PTPRD: variants seen among roughly 807,000 people sequenced by gnomAD.
The protein encoded by PTPRD is protein tyrosine phosphatase receptor type D.
Under a neutral mutation model 214.5 loss-of-function variants are expected in PTPRD, and 34 were observed. The ratio of observed to expected loss-of-function variants is 0.16; its 90% CI spans 0.12 to 0.21. PTPRD has a LOEUF of 0.21. Among genes scored for constraint, PTPRD ranks in the 10% least tolerant of loss-of-function variants. The probability of loss-of-function intolerance (pLI) is 1.00; values close to 1 mark genes in which losing one functional copy is unlikely to be tolerated. For synonymous variants in PTPRD, 1,128 were observed against 845.7 expected (o/e 1.33, Z -5.79); for missense variants, 2,545 against 2,398.7 (o/e 1.06, Z -1.27).
At chr9:10,280,793 T>C (rs117175088) in intron 3 of PTPRD, among the ~76,000 whole-genome samples, 4,497 of 151,968 alleles carry the variant, frequency 0.03, 300 homozygotes, top group Admixed American at 0.16. Context: ...TTTTTTATTT[T>C]CTGTAGAGAT....
intron 9 of PTPRD, among the ~76,000 whole-genome samples, chr9:9,290,636 T>C (rs1234085060): frequency 6.6e-6 from 1 of 151,530 alleles, no homozygotes; most frequent in Non-Finnish European, 1.5e-5. Context: ...ATTTTAACGT[T>C]AGAAAGCCAA....
chr9:8,657,903 T>A (rs2096946071), intron 12 of PTPRD, among the ~76,000 whole-genome samples: 1 of 152,222 alleles, frequency 6.6e-6, no homozygotes, highest in African/African-American at 2.4e-5. Flanking sequence ...TTTCTTATAA[T>A]AATGTTTTAC....
chr9:9,075,433 T>G (rs1483313055), intron 10 of PTPRD, among the ~76,000 whole-genome samples: 3 of 152,196 alleles, frequency 2.0e-5, no homozygotes, highest in African/African-American at 7.2e-5. Flanking sequence ...TTATTATACT[T>G]TAAGTTCTAG....
At chr9:8,938,246 G>C (rs1033003455) in intron 11 of PTPRD, among the ~76,000 whole-genome samples, 1 of 151,664 alleles carries the variant, frequency 6.6e-6, no homozygotes. Flanking sequence ...GGATTTTAGG[G>C]GAGAGAAACA....
intron 2 of PTPRD, among the ~76,000 whole-genome samples, chr9:10,498,631 T>C (rs1172600149): frequency 1.3e-5 from 2 of 151,832 alleles, no homozygotes; most frequent in Non-Finnish European, 2.9e-5. Context: ...ATAATAGATA[T>C]CTTATAGCCT....
chr9:8,911,387 C>T (rs1198437512), intron 11 of PTPRD, among the ~76,000 whole-genome samples: 1 of 131,106 alleles, frequency 7.6e-6, no homozygotes, highest in Non-Finnish European at 1.6e-5. Context: ...ACTGGATGCC[C>T]ATGTGTGTGT....
intron 11 of PTPRD, among the ~76,000 whole-genome samples, chr9:8,846,481 A>T (rs185410156): frequency 2.0e-5 from 3 of 152,232 alleles, no homozygotes; most frequent in African/African-American, 7.2e-5. Context: ...CACTATATGT[A>T]GAATTTATTC....
intron 3 of PTPRD, among the ~76,000 whole-genome samples, chr9:10,245,053 CAG>C (rs1265814721): frequency 1.3e-5 from 2 of 152,042 alleles, no homozygotes; most frequent in African/African-American, 4.8e-5. Context: ...ATTTCTCAAA[CAG>C]AAATATTATT....
chr9:9,715,678 T>C (rs1290117643), intron 7 of PTPRD, among the ~76,000 whole-genome samples: 1 of 152,146 alleles, frequency 6.6e-6, no homozygotes, highest in Non-Finnish European at 1.5e-5. Flanking sequence ...CATCGCAGTA[T>C]TAAGAGAATG....
intron 12 of PTPRD, among the ~76,000 whole-genome samples, chr9:8,670,493 C>A (rs1172957451): frequency 6.6e-6 from 1 of 152,126 alleles, no homozygotes; most frequent in African/African-American, 2.4e-5. Flanking sequence ...GTAGATTTTA[C>A]CTGCTTTTGT....
intron 8 of PTPRD, among the ~76,000 whole-genome samples, chr9:9,569,671 G>A (rs946769241): frequency 1.3e-4 from 19 of 151,568 alleles, no homozygotes; most frequent in African/African-American, 3.9e-4. Context: ...CATTTTTATA[G>A]AGGTTGATAA....
chr9:9,249,167 ATTGT>A (rs1450901538), intron 9 of PTPRD, among the ~76,000 whole-genome samples: 1 of 151,772 alleles, frequency 6.6e-6, no homozygotes, highest in Non-Finnish European at 1.5e-5. Context: ...ATAAGATCTG[ATTGT>A]TAAAAAAGAG....
chr9:10,604,514 A>G (rs2078819240), intron 2 of PTPRD, among the ~76,000 whole-genome samples: 2 of 151,884 alleles, frequency 1.3e-5, no homozygotes, highest in South Asian at 4.1e-4. Flanking sequence ...GGAAAATGGG[A>G]GAATAAAGCA....
chr9:10,225,238 T>C lies in PTPRD; in HGVS notation c.-545+115725A>G, dbSNP rs1396288112. Among the ~76,000 whole-genome samples the C allele has an allele frequency of 3.3e-5, 5 of 152,062 alleles. No homozygotes were observed. In the East Asian group the frequency reaches 7.8e-4, roughly 24 times the overall value. ...TAAAAAGATATTTTATTTTAAAAAA[T>C]AGAATAATATTTAGATCTTATGGTT... On this transcript the variant is annotated intron_variant, in intron 3 of 45. Transcript: ENST00000381196.
In PTPRD at chr9:10,400,692, TAATC is replaced by T. The variant is rs201259272; in HGVS notation, c.-599-59679_-599-59676del. Among the ~76,000 whole-genome samples the T allele has an allele frequency of 4.2e-3, 642 of 151,746 alleles. 5 individuals are homozygous for T. Among genetic ancestry groups the T allele is most frequent in the African/African-American group, 0.014 (601 of 41,516 alleles). On this transcript the variant is annotated intron_variant, in intron 2 of 45. Transcript: ENST00000381196. ...ACTGAATTTCTAAAAAAAATAATAA[TAATC>T]AGAGTAATTTTAAACATATTAAAAT...
At chr9:9,220,030 G>A (rs1175240562) in intron 9 of PTPRD, among the ~76,000 whole-genome samples, 4 of 152,042 alleles carry the variant, frequency 2.6e-5, no homozygotes, top group African/African-American at 9.7e-5. Flanking sequence ...CTCTTGAAAA[G>A]CTTAGAACTT....
At chr9:8,797,424 C>T (rs1234935227) in intron 11 of PTPRD, among the ~76,000 whole-genome samples, 8 of 152,158 alleles carry the variant, frequency 5.3e-5, no homozygotes, top group Non-Finnish European at 1.0e-4. Context: ...TTTGTTTATT[C>T]GGTGCTAGCA....
chr9:8,329,636 C>G (rs1192028596), intron 44 of PTPRD, among the ~76,000 whole-genome samples: 2 of 152,136 alleles, frequency 1.3e-5, no homozygotes, highest in Non-Finnish European at 2.9e-5. Context: ...CCGCCAGGTG[C>G]TTTGTCCCAG....
At chr9:8,730,453 G>A (rs2098644627) in intron 12 of PTPRD, among the ~76,000 whole-genome samples, 1 of 152,138 alleles carries the variant, frequency 6.6e-6, no homozygotes, top group East Asian at 1.9e-4. Context: ...TAAAAAAAAT[G>A]TTCTATTTCT....
Sources: allele counts gnomAD v4.1 joint callset (sites outside exome capture counted in the v4.1 genomes callset), GRCh38; gene constraint gnomAD v4.1.1; transcripts MANE v1.5; gene names NCBI Gene and HGNC (gene_info 2026-07-23, HGNC 2026-07-21).